Variants in NEXMIF observed in about 807,000 individuals in gnomAD.
The protein encoded by NEXMIF is XLMR protein related to neurite extension.
A neutral mutation model predicts 62.1 loss-of-function variants in NEXMIF; 8 were observed. The ratio of observed to expected loss-of-function variants is 0.13; its 90% CI spans 0.08 to 0.23. The LOEUF is 0.23. NEXMIF is among the 10% of genes least tolerant of loss of function. The pLI is 1.00. For missense variants in NEXMIF, 976 were observed against 1,113.3 expected (o/e 0.88, Z 1.75); for synonymous variants, 404 against 416.6 (o/e 0.97, Z 0.37).
intron 1 of NEXMIF, among the ~76,000 whole-genome samples, chrX:74,887,119 C>T (rs765329734): frequency 8.9e-6 from 1 of 112,461 alleles, no homozygotes; most frequent in South Asian, 3.7e-4. Flanking sequence ...GAAACTGGAT[C>T]CCTTCCTTAC....
intron 3 of NEXMIF, 117 bp downstream of exon 3, chrX:74,739,983 A>G (rs1410167813): frequency 3.3e-6 from 2 of 601,867 alleles, no homozygotes; most frequent in African/African-American, 2.3e-5. Flanking sequence ...AGGGAATGGG[A>G]CAGTTTCTTT....
chrX:74,831,652 A>G (rs1053708510), intron 1 of NEXMIF, among the ~76,000 whole-genome samples: 6 of 111,109 alleles, frequency 5.4e-5, no homozygotes, highest in African/African-American at 2.0e-4. Flanking sequence ...CGCAATAAAC[A>G]TACGTGTGCA....
At chrX:74,758,848 G>C (rs745487853) in intron 1 of NEXMIF, among the ~76,000 whole-genome samples, 2 of 112,101 alleles carry the variant, frequency 1.8e-5, no homozygotes, top group Non-Finnish European at 3.8e-5. Context: ...ATTGTGAATA[G>C]TGCTGCAATG....
intron 1 of NEXMIF, among the ~76,000 whole-genome samples, chrX:74,753,633 C>T (rs1305248249): frequency 1.8e-5 from 2 of 110,523 alleles, no homozygotes; most frequent in Admixed American, 1.9e-4. Flanking sequence ...ACTGCTCTTC[C>T]AGCCTCTGGT....
chrX:74,864,541 G>A (rs1294841664), intron 1 of NEXMIF, among the ~76,000 whole-genome samples: 2 of 111,383 alleles, frequency 1.8e-5, no homozygotes, highest in South Asian at 7.7e-4. Flanking sequence ...GGGATCTGAT[G>A]GTTTTATAAA....
At chrX:74,796,236 A>ATATATACACACATATATATTATATATAT (rs1569345258) in intron 1 of NEXMIF, among the ~76,000 whole-genome samples, 12 of 58,572 alleles carry the variant, frequency 2.0e-4, no homozygotes, top group African/African-American at 7.9e-4. Context: ...TATAATATAT[A>ATATATACACACATATATATTATATATAT]TATATATACA....
rs772896274 is a variant in NEXMIF at position 74,887,412 on chromosome X, G to A, written c.-48+37471C>T. Among the ~76,000 whole-genome samples, 5 of 111,245 alleles carry A rather than the reference G, an allele frequency of 4.5e-5. No individual in the cohort carries two copies. The South Asian group carries it at 1.9e-3, about 43-fold the overall frequency. ...TTGCAACCTACTCATCTGACAAAGG[G>A]CTAATATCCAGAATCTACAATGAAC... On this transcript the variant is annotated intron_variant, in intron 1 of 3. Transcript: ENST00000055682.
Position 74,741,198 on chromosome X carries a change from G to A in NEXMIF, c.3359C>T (p.Ser1120Leu). 1 of 1,211,420 alleles carries A rather than the reference G, an allele frequency of 8.3e-7. No homozygotes were observed. Among genetic ancestry groups the A allele is most frequent in the East Asian group, 3.0e-5 (1 of 33,834 alleles). Residue 1120 changes from serine to leucine, a missense_variant, in exon 3 of 4, where the codon TCA becomes TTA. By Grantham distance (145) the Ser-to-Leu change is moderately radical. This residue lies in a region of NEXMIF where 639 missense variants were observed against 694.5 expected (regional missense o/e 0.92). Coordinates refer to ENST00000055682, the MANE Select transcript of NEXMIF (RefSeq NM_001008537.3). The part of the protein sequence containing the change: ...EKIKWDCSTL[S>L]RQVQMEDGFT... Reference sequence around the variant, plus strand: ...TCCATCCTCCATTTGGACCTGCCGTGAAAGGGTACTGCAGTCCCACTTGAT... The same window carrying A: ...TCCATCCTCCATTTGGACCTGCCGTAAAAGGGTACTGCAGTCCCACTTGAT...
At chrX:74,848,365 A>G (rs1319088123) in intron 1 of NEXMIF, among the ~76,000 whole-genome samples, 1 of 112,550 alleles carries the variant, frequency 8.9e-6, no homozygotes, top group Non-Finnish European at 1.9e-5. Flanking sequence ...TAATAATTGT[A>G]TTAGTTTTCT....
chrX:74,781,733 T>TGTGAAAGCCTTAGGTGTAC (rs2080247796), intron 1 of NEXMIF, among the ~76,000 whole-genome samples: 2 of 98,217 alleles, frequency 2.0e-5, no homozygotes, highest in Non-Finnish European at 4.3e-5. Flanking sequence ...CTTAGGTGTA[T>TGTGAAAGCCTTAGGTGTAC]GTGAAATTTA....
intron 1 of NEXMIF, among the ~76,000 whole-genome samples, chrX:74,826,276 C>A (rs898206983): frequency 8.9e-6 from 1 of 112,059 alleles, no homozygotes; most frequent in Non-Finnish European, 1.9e-5. Flanking sequence ...TGATATTGAG[C>A]TTTTTTTCAT....
rs1479765732 is a variant in NEXMIF, at chrX:74,741,680, T to A, written c.2877A>T (p.Pro959=). Residue 959 remains proline (P), a synonymous_variant, in exon 3 of 4, where the codon CCA becomes CCT. Coordinates refer to ENST00000055682, the MANE Select transcript of NEXMIF (RefSeq NM_001008537.3). The part of the protein sequence containing the change: ...LYDSMQDTQL[P]SDDSYQLCHF... Reference sequence around the variant, plus strand: ...GACATAATTGGTAAGAGTCATCAGATGGGAGTTGGGTATCTTGCATGGAGT... The same window carrying A: ...GACATAATTGGTAAGAGTCATCAGAAGGGAGTTGGGTATCTTGCATGGAGT... 6.6e-6 allele frequency: 8 copies of A among 1,210,224 alleles called. No individual in the cohort carries two copies. The highest frequency in any genetic ancestry group is 1.7e-5 in the African/African-American group (1 of 57,232).
chrX:74,823,571 T>C (rs1290411994), intron 1 of NEXMIF, among the ~76,000 whole-genome samples: 1 of 111,446 alleles, frequency 9.0e-6, no homozygotes, highest in Admixed American at 9.6e-5. Flanking sequence ...ACCGTTGTTA[T>C]GAAAGAGAAT....
At chrX:74,876,984 C>T (rs1190927440) in intron 1 of NEXMIF, among the ~76,000 whole-genome samples, 1 of 111,283 alleles carries the variant, frequency 9.0e-6, no homozygotes, top group Non-Finnish European at 1.9e-5. Context: ...GCATTTAGTC[C>T]ATTTACATTT....
intron 1 of NEXMIF, among the ~76,000 whole-genome samples, chrX:74,852,186 G>A (rs1290115358): frequency 9.0e-6 from 1 of 111,241 alleles, no homozygotes; most frequent in Non-Finnish European, 1.9e-5. Context: ...TAAGACAAAA[G>A]ATACTTTAAC....
At position 74,742,370 on chromosome X, in the gene NEXMIF, T is replaced by C; in HGVS notation, c.2187A>G (p.Lys729=). 1 of 1,211,342 alleles carries C rather than the reference T, an allele frequency of 8.3e-7. No homozygotes were observed. Among genetic ancestry groups the C allele is most frequent in the East Asian group, 3.0e-5 (1 of 33,825 alleles). ...GCCCAGCAGCTTTGACTTTCTTAGA[T>C]TTTAACCTAGCTTCACTTTTAAATT... ...KIKFKSEARL[K]SKKVKAAGQE... The change falls in exon 3 of 4, where the codon AAA becomes AAG. Residue 729 remains lysine, a synonymous_variant. Transcript: ENST00000055682.
At chrX:74,894,166 G>A (rs2080726191) in intron 1 of NEXMIF, among the ~76,000 whole-genome samples, 1 of 110,512 alleles carries the variant, frequency 9.0e-6, no homozygotes, top group Admixed American at 9.7e-5. Flanking sequence ...GGGCATGGTG[G>A]CACGCACCTG....
intron 1 of NEXMIF, among the ~76,000 whole-genome samples, chrX:74,867,893 AG>A (rs2080586013): frequency 8.9e-6 from 1 of 112,193 alleles, no homozygotes; most frequent in African/African-American, 3.2e-5. Context: ...CATCTGACAA[AG>A]GTCTAATATC....
At chrX:74,904,584 A>G (rs2080760597) in intron 1 of NEXMIF, among the ~76,000 whole-genome samples, 1 of 111,740 alleles carries the variant, frequency 8.9e-6, no homozygotes, top group Non-Finnish European at 1.9e-5. Context: ...GAAGTTCAAA[A>G]TAGGAAAATG....
Sources: allele counts gnomAD v4.1 joint callset (sites outside exome capture counted in the v4.1 genomes callset), GRCh38; gene constraint gnomAD v4.1.1; regional missense constraint gnomAD v4.1.1; transcripts MANE v1.5; gene names NCBI Gene and HGNC (gene_info 2026-07-23, HGNC 2026-07-21).